TANGO6: variants seen among roughly 807,000 people sequenced by gnomAD.
TANGO6 encodes transport and Golgi organization protein 6 homolog.
In TANGO6, 90 loss-of-function variants were observed where a neutral mutation model predicts 114.2. That is an observed-to-expected ratio of 0.79 (90% CI 0.66 to 0.94). The LOEUF (loss-of-function observed/expected upper bound fraction) is 0.94. Among genes scored for constraint, TANGO6 ranks in the 40% least tolerant of loss-of-function variants. The probability of loss-of-function intolerance (pLI) is 0.00; values close to 1 mark genes in which losing one functional copy is unlikely to be tolerated. For synonymous variants in TANGO6, 477 were observed against 509.8 expected (o/e 0.94, Z 0.87); for missense variants, 1,274 against 1,315.3 (o/e 0.97, Z 0.49).
At chr16:68,977,730 G>C (rs959389269) in intron 15 of TANGO6, among the ~76,000 whole-genome samples, 7 of 150,980 alleles carry the variant, frequency 4.6e-5, no homozygotes, top group South Asian at 4.2e-4. Flanking sequence ...GAGTCACCCA[G>C]ACTGGAGTCC....
In TANGO6 at chr16:68,926,310, A is replaced by G. The variant is rs574988819; in HGVS notation, c.2128-1258A>G. Among the ~76,000 whole-genome samples the G allele has an allele frequency of 3.9e-3, 593 of 152,056 alleles. 6 individuals carry two copies. Among genetic ancestry groups the G allele is most frequent in the African/African-American group, 0.014 (577 of 41,526 alleles). ...GGAGTTCAAGACCAGCCTGGCCAAC[A>G]TGGTGAAACCCCGTTTCTACTAAAC... is the stretch of plus-strand genomic sequence containing the variant. On this transcript the variant is annotated intron_variant, in intron 12 of 17. Transcript: ENST00000261778.
At chr16:68,991,009 G>A (rs982762286) in intron 15 of TANGO6, among the ~76,000 whole-genome samples, 3 of 151,008 alleles carry the variant, frequency 2.0e-5, no homozygotes, top group East Asian at 1.9e-4. Flanking sequence ...AGGCTTACAC[G>A]TGATAAAGAC....
At chr16:68,990,777 G>A (rs1160667844) in intron 15 of TANGO6, among the ~76,000 whole-genome samples, 1 of 152,198 alleles carries the variant, frequency 6.6e-6, no homozygotes, top group Non-Finnish European at 1.5e-5. Flanking sequence ...TCAAGATCAT[G>A]AAAGGATACA....
chr16:68,990,408 T>C (rs562658614), intron 15 of TANGO6, among the ~76,000 whole-genome samples: 22 of 152,210 alleles, frequency 1.4e-4, no homozygotes, highest in African/African-American at 5.1e-4. Flanking sequence ...CTTTATCAGA[T>C]CTCATGAGAC....
At chr16:69,052,042 G>A in intron 17 of TANGO6, among the ~76,000 whole-genome samples, 1 of 149,448 alleles carries the variant, frequency 6.7e-6, no homozygotes, top group Admixed American at 6.7e-5. Flanking sequence ...TGACCTCCTG[G>A]GCTCAGACAA....
chr16:68,957,479 C>A (rs1188023311), intron 14 of TANGO6, among the ~76,000 whole-genome samples: 1 of 151,366 alleles, frequency 6.6e-6, no homozygotes, highest in Non-Finnish European at 1.5e-5. Context: ...CTCACCGCAG[C>A]CTCCACCTCC....
chr16:69,046,172 A>G (rs1406564290), intron 17 of TANGO6, among the ~76,000 whole-genome samples: 2 of 152,106 alleles, frequency 1.3e-5, no homozygotes, highest in East Asian at 1.9e-4. Flanking sequence ...CCAGGATACA[A>G]CTCATGTATA....
At position 69,040,290 on chromosome 16, in the gene TANGO6, C is replaced by T; in HGVS notation, c.2995-18C>T. On this transcript the variant is annotated intron_variant, in intron 16 of 17. Transcript: ENST00000261778. The stretch of plus-strand genomic sequence containing the variant: ...CAACTCTGATTCTTATCAACTTCAT[C>T]TTCCTTCATCCTCCTAGGTAACAGC... The T allele has an allele frequency of 1.9e-6, 3 of 1,580,034 alleles. No homozygotes were observed. Among genetic ancestry groups the T allele is most frequent in the Non-Finnish European group, 2.6e-6 (3 of 1,160,864 alleles).
At chr16:68,879,619 CT>C (rs201622523) in intron 6 of TANGO6, among the ~76,000 whole-genome samples, 313 of 140,010 alleles carry the variant, frequency 2.2e-3, no homozygotes, top group Admixed American at 2.2e-3. Flanking sequence ...CATTTTCTTT[CT>C]TTTTTTTTTT....
At chr16:68,872,275 G>GT (rs1962282674) in intron 4 of TANGO6, among the ~76,000 whole-genome samples, 1 of 150,892 alleles carries the variant, frequency 6.6e-6, no homozygotes, top group Non-Finnish European at 1.5e-5. Context: ...TGTTATCTCT[G>GT]TTTTTTTGGG....
chr16:68,950,381 A>G (rs1318416616), intron 14 of TANGO6, among the ~76,000 whole-genome samples: 1 of 152,162 alleles, frequency 6.6e-6, no homozygotes, highest in Non-Finnish European at 1.5e-5. Flanking sequence ...GCCTGGTCCT[A>G]CATGGTGAAA....
chr16:68,855,064 G>T (rs1961963321), intron 1 of TANGO6, among the ~76,000 whole-genome samples: 1 of 150,872 alleles, frequency 6.6e-6, no homozygotes, highest in Non-Finnish European at 1.5e-5. Context: ...GAGTCCAATG[G>T]CGTGATCTCA....
In TANGO6 at chr16:68,979,324, G is replaced by A. The variant is rs145812540; in HGVS notation, c.2842+5156G>A. 2.8e-4 allele frequency among the ~76,000 whole-genome samples: 42 copies of A among 152,182 alleles called. No homozygotes were observed. The East Asian group carries it at 7.9e-3, about 29-fold the overall frequency. ...GGCTCACTGCAACCTCCACTTCCCA[G>A]GTTCAAGGGATTCTCCAGCCTCAGC... is the stretch of plus-strand genomic sequence containing the variant. On this transcript the variant is annotated intron_variant, in intron 15 of 17. Coordinates refer to ENST00000261778, the MANE Select transcript of TANGO6 (RefSeq NM_024562.2).
chr16:68,946,137 T>C (rs879259813), intron 14 of TANGO6, among the ~76,000 whole-genome samples: 3 of 152,170 alleles, frequency 2.0e-5, no homozygotes, highest in Admixed American at 2.0e-4. Context: ...AATGGTGTCA[T>C]TTGAAACACA....
chr16:68,889,191 C>G (rs1179594468), intron 7 of TANGO6, among the ~76,000 whole-genome samples: 1 of 152,142 alleles, frequency 6.6e-6, no homozygotes, highest in African/African-American at 2.4e-5. Context: ...CAGGGAGTTC[C>G]CATATATCTA....
chr16:68,854,981 C>A (rs1200115825), intron 1 of TANGO6, among the ~76,000 whole-genome samples: 3 of 151,040 alleles, frequency 2.0e-5, no homozygotes, highest in South Asian at 4.2e-4. Context: ...CTTTATAGAT[C>A]AATTTGTGGA....
intron 12 of TANGO6, among the ~76,000 whole-genome samples, chr16:68,921,031 A>G (rs1409320216): frequency 2.9e-5 from 4 of 139,236 alleles, no homozygotes; most frequent in African/African-American, 8.0e-5. Context: ...TGAACCTGGG[A>G]GGCGGAGGTT....
At chr16:68,967,463 A>T (rs1016020258) in intron 14 of TANGO6, among the ~76,000 whole-genome samples, 2 of 152,150 alleles carry the variant, frequency 1.3e-5, no homozygotes, top group Non-Finnish European at 2.9e-5. Flanking sequence ...ACAGTCTGCA[A>T]CCTGGGGGTT....
chr16:68,881,875 G>A (rs905386458), intron 7 of TANGO6, among the ~76,000 whole-genome samples: 2 of 152,092 alleles, frequency 1.3e-5, no homozygotes, highest in African/African-American at 4.8e-5. Context: ...GGCCCAGTGT[G>A]GTGGCTTATG....
Sources: allele counts gnomAD v4.1 joint callset (sites outside exome capture counted in the v4.1 genomes callset), GRCh38; gene constraint gnomAD v4.1.1; transcripts MANE v1.5; gene names NCBI Gene and HGNC (gene_info 2026-07-23, HGNC 2026-07-21).